The following ENOX1 variants were observed in gnomAD, a reference collection of about 807,000 sequenced individuals.
The protein encoded by ENOX1 is candidate growth-related and time keeping constitutive hydroquinone (NADH) oxidase.
ENOX1 carries 42 observed loss-of-function variants against 82.5 expected under a neutral mutation model. The observed-to-expected ratio is 0.51, with a 90% CI of 0.40 to 0.66. ENOX1 has a LOEUF of 0.66. Among genes scored for constraint, ENOX1 ranks in the 30% least tolerant of loss-of-function variants. The pLI is 0.00. For synonymous variants in ENOX1, 271 were observed against 282.2 expected (o/e 0.96, Z 0.40); for missense variants, 608 against 811.6 (o/e 0.75, Z 3.05).
intron 1 of ENOX1, among the ~76,000 whole-genome samples, chr13:43,744,621 G>C (rs895622986): frequency 1.1e-4 from 17 of 152,200 alleles, no homozygotes; most frequent in Admixed American, 3.9e-4. Context: ...AAGACTACTT[G>C]CTTCAATTAA....
At chr13:43,317,883 T>C (rs1027455819) in intron 11 of ENOX1, among the ~76,000 whole-genome samples, 6 of 151,848 alleles carry the variant, frequency 4.0e-5, no homozygotes, top group African/African-American at 4.8e-5. Context: ...CGGGTGCCTG[T>C]AGTCCTAGCT....
chr13:43,703,322 T>C (rs958638420), intron 1 of ENOX1, among the ~76,000 whole-genome samples: 1 of 152,188 alleles, frequency 6.6e-6, no homozygotes, highest in Non-Finnish European at 1.5e-5. Flanking sequence ...GAGTATGGAA[T>C]AGACATTGTA....
chr13:43,708,832 C>A (rs1457926348), intron 1 of ENOX1, among the ~76,000 whole-genome samples: 1 of 152,084 alleles, frequency 6.6e-6, no homozygotes, highest in African/African-American at 2.4e-5. Flanking sequence ...TGGTAAAGAT[C>A]TTTCCATACA....
chr13:43,299,692 C>T (rs1365144586), intron 11 of ENOX1, among the ~76,000 whole-genome samples: 1 of 152,144 alleles, frequency 6.6e-6, no homozygotes, highest in Non-Finnish European at 1.5e-5. Flanking sequence ...CACCACTCTC[C>T]CTTTAATCTT....
intron 14 of ENOX1, among the ~76,000 whole-genome samples, chr13:43,253,967 T>C (rs1014685744): frequency 6.6e-6 from 1 of 152,226 alleles, no homozygotes; most frequent in African/African-American, 2.4e-5. Flanking sequence ...TAAAATGATA[T>C]TGCTTGCATG....
At position 43,678,788 on chromosome 13, in the gene ENOX1, ATCCTCTC is replaced by A. The variant is rs2085641022; in HGVS notation, c.-284-11251_-284-11245del. 2.0e-5 allele frequency among the ~76,000 whole-genome samples: 3 copies of A among 152,246 alleles called. No homozygotes were observed. The South Asian group carries it at 6.2e-4, about 32-fold the overall frequency. ...TTGCCGCCATTAATATAGCTTATTT[ATCCTCTC>A]TCCTCTCTCTGTCTCACATTTAGCA... On this transcript the variant is annotated intron_variant, in intron 1 of 16. Transcript: ENST00000690772.
intron 1 of ENOX1, among the ~76,000 whole-genome samples, chr13:43,784,014 A>T (rs780983336): frequency 6.6e-6 from 1 of 152,194 alleles, no homozygotes; most frequent in Non-Finnish European, 1.5e-5. Flanking sequence ...GCAACAAAAT[A>T]CTATTGTCTG....
At chr13:43,406,554 G>A (rs1186178155) in intron 5 of ENOX1, among the ~76,000 whole-genome samples, 1 of 148,496 alleles carries the variant, frequency 6.7e-6, no homozygotes, top group African/African-American at 2.5e-5. Context: ...GTGCAGTGGC[G>A]CCATCTCGGC....
At chr13:43,306,493 T>C (rs927571013) in intron 11 of ENOX1, among the ~76,000 whole-genome samples, 1 of 152,216 alleles carries the variant, frequency 6.6e-6, no homozygotes, top group Non-Finnish European at 1.5e-5. Context: ...GACAATAAAA[T>C]GACACTGGCT....
intron 5 of ENOX1, among the ~76,000 whole-genome samples, chr13:43,378,197 C>T (rs1234854659): frequency 6.6e-6 from 1 of 152,096 alleles, no homozygotes; most frequent in Non-Finnish European, 1.5e-5. Context: ...ACAAAGTGAG[C>T]CATATGATTG....
At chr13:43,734,940 A>T (rs746849032) in intron 1 of ENOX1, among the ~76,000 whole-genome samples, 1 of 152,212 alleles carries the variant, frequency 6.6e-6, no homozygotes, top group Non-Finnish European at 1.5e-5. Context: ...TGCTCAAGAT[A>T]CATCTTTGAG....
intron 14 of ENOX1, among the ~76,000 whole-genome samples, chr13:43,261,831 G>C (rs2044078710): frequency 8.0e-6 from 1 of 124,924 alleles, no homozygotes; most frequent in South Asian, 2.8e-4. Context: ...ACACTCTGGG[G>C]ACTGTTGTGG....
intron 2 of ENOX1, among the ~76,000 whole-genome samples, chr13:43,537,050 T>C (rs997773394): frequency 6.6e-6 from 1 of 152,210 alleles, no homozygotes; most frequent in African/African-American, 2.4e-5. Context: ...ATAGGTAAAG[T>C]CTTTGAATAC....
intron 2 of ENOX1, among the ~76,000 whole-genome samples, chr13:43,598,356 T>C (rs564648472): frequency 9.2e-5 from 14 of 152,226 alleles, no homozygotes; most frequent in Admixed American, 7.2e-4. Context: ...TGGCACATCA[T>C]AGGAACAAGA....
intron 3 of ENOX1, chr13:43,458,958 G>A (rs1159882321): frequency 6.6e-6 from 1 of 152,106 alleles, no homozygotes; most frequent in Non-Finnish European, 1.5e-5. Context: ...CTTTGGAAAA[G>A]ACTGGATGAG....
chr13:43,708,510 T>C (rs116719968), intron 1 of ENOX1, among the ~76,000 whole-genome samples: 10 of 152,340 alleles, frequency 6.6e-5, no homozygotes, highest in African/African-American at 2.4e-4. Context: ...CCTTAGTCTC[T>C]TGCATTGCCT....
intron 2 of ENOX1, among the ~76,000 whole-genome samples, chr13:43,523,456 A>C (rs1398298922): frequency 6.6e-6 from 1 of 152,194 alleles, no homozygotes; most frequent in Non-Finnish European, 1.5e-5. Flanking sequence ...ATAAGGACTA[A>C]AGAGAAGATG....
intron 1 of ENOX1, among the ~76,000 whole-genome samples, chr13:43,721,720 C>T (rs1261320379): frequency 6.6e-6 from 1 of 152,022 alleles, no homozygotes; most frequent in African/African-American, 2.4e-5. Flanking sequence ...CTGCTTTTTG[C>T]ACAAGGGGCC....
At chr13:43,438,407 T>C (rs904785843) in intron 3 of ENOX1, among the ~76,000 whole-genome samples, 3 of 152,000 alleles carry the variant, frequency 2.0e-5, no homozygotes, top group African/African-American at 7.3e-5. Context: ...AATTGGAATG[T>C]GGAAGTGAGA....
Sources: gnomAD v4.1 joint callset for allele counts (sites outside exome capture counted in the v4.1 genomes callset) on GRCh38, gnomAD v4.1.1 for gene constraint, MANE v1.5 for transcripts, NCBI Gene and HGNC (gene_info 2026-07-23, HGNC 2026-07-21) for gene names.